Variants in SPATA6 observed in about 807,000 individuals in gnomAD.
SPATA6 encodes spermatogenesis-associated protein 6.
In SPATA6, 56 loss-of-function variants were observed where a neutral mutation model predicts 65.3. That is an observed-to-expected ratio of 0.86 (90% confidence interval 0.69 to 1.07). SPATA6 has a LOEUF of 1.07. SPATA6 is among the 50% of genes least tolerant of loss of function. The probability of loss-of-function intolerance (pLI) is 0.00; values close to 1 mark genes in which losing one functional copy is unlikely to be tolerated. For missense variants in SPATA6, 590 were observed against 594.8 expected (o/e 0.99, Z 0.08); for synonymous variants, 199 against 213.2 (o/e 0.93, Z 0.58).
At chr1:48,312,775 T>A (rs1305678726) in intron 11 of SPATA6, among the ~76,000 whole-genome samples, 2 of 152,066 alleles carry the variant, frequency 1.3e-5, no homozygotes, top group Non-Finnish European at 2.9e-5. Flanking sequence ...TTAGAACCCA[T>A]GGCAAAGAAG....
intron 1 of SPATA6, among the ~76,000 whole-genome samples, chr1:48,459,933 G>C (rs1027074402): frequency 6.6e-6 from 1 of 152,080 alleles, no homozygotes; most frequent in African/African-American, 2.4e-5. Context: ...CTGAATAAAA[G>C]TGAAAACACA....
chr1:48,356,510 CTTTTTT>C (rs910154922), intron 10 of SPATA6, among the ~76,000 whole-genome samples: 7 of 122,726 alleles, frequency 5.7e-5, no homozygotes, highest in Middle Eastern at 4.6e-3. Flanking sequence ...TTTGTCCTTT[CTTTTTT>C]TTTTTTTTTT....
chr1:48,311,242 A>C (rs1645199605), intron 11 of SPATA6, among the ~76,000 whole-genome samples: 1 of 152,134 alleles, frequency 6.6e-6, no homozygotes, highest in South Asian at 2.1e-4. Context: ...AAAAATAGAA[A>C]ACTGGATAAA....
At chr1:48,313,771 C>T (rs907792281) in intron 11 of SPATA6, among the ~76,000 whole-genome samples, 2 of 152,066 alleles carry the variant, frequency 1.3e-5, no homozygotes, top group African/African-American at 4.8e-5. Flanking sequence ...AGAGTCAAGA[C>T]CCATCAGTGT....
At position 48,399,491 on chromosome 1, in the gene SPATA6, T is replaced by C. The variant is rs759763600; in HGVS notation, c.640A>G (p.Lys214Glu). Residue 214 changes from lysine (K) to glutamate (E), a missense_variant, in exon 7 of 13, where the codon AAA (lysine) becomes GAA (glutamate). Physicochemically the swap from Lys to Glu is moderately conservative, Grantham distance 56. Transcript: ENST00000371847. ...GTGTAGGGAGATGGAGAGTGTGATTTTGAAGAAATTGTAGGCTGTTCGTAG... is the reference window on the plus strand; with the variant it reads ...GTGTAGGGAGATGGAGAGTGTGATTCTGAAGAAATTGTAGGCTGTTCGTAG... ...KNYEQPTISS[K>E]SHSPSPYTKR... 4 of 1,613,242 alleles carry C rather than the reference T, an allele frequency of 2.5e-6. No individual in the cohort carries two copies. The highest frequency in any genetic ancestry group is 1.1e-5 in the South Asian group (1 of 91,058).
At chr1:48,320,686 T>G (rs1295440998) in intron 11 of SPATA6, among the ~76,000 whole-genome samples, 1 of 152,182 alleles carries the variant, frequency 6.6e-6, no homozygotes, top group Admixed American at 6.5e-5. Context: ...ATAAAACTTA[T>G]TGGTAATAGT....
chr1:48,384,544 T>C (rs986408205), intron 9 of SPATA6, among the ~76,000 whole-genome samples: 1 of 151,928 alleles, frequency 6.6e-6, no homozygotes, highest in Non-Finnish European at 1.5e-5. Context: ...GGACTACAAG[T>C]GATAGAGCAA....
rs1272035229 is a variant in SPATA6 at position 48,388,929 on chromosome 1, A to T, written c.869-3580T>A. Among the ~76,000 whole-genome samples, 6 of 152,004 alleles carry T rather than the reference A, an allele frequency of 3.9e-5. No individual in the cohort carries two copies. In the East Asian group the frequency reaches 1.2e-3, roughly 29 times the overall value. On this transcript the variant is annotated intron_variant, in intron 8 of 12. Coordinates refer to ENST00000371847, the MANE Select transcript of SPATA6 (RefSeq NM_019073.4). ...AGACAGAGTTTCGCTCTTCTTGCCC[A>T]GGCTGGAGTACAATGGTGTGATCTT...
At chr1:48,315,421 C>G (rs1479103983) in intron 11 of SPATA6, among the ~76,000 whole-genome samples, 1 of 152,100 alleles carries the variant, frequency 6.6e-6, no homozygotes, top group Non-Finnish European at 1.5e-5. Context: ...AACATATAAA[C>G]AGAACCAAAG....
intron 3 of SPATA6, among the ~76,000 whole-genome samples, chr1:48,451,066 A>AG (rs1336701078): frequency 6.6e-6 from 1 of 152,200 alleles, no homozygotes; most frequent in African/African-American, 2.4e-5. Flanking sequence ...CTTGTTATGC[A>AG]GAGCCTTGAA....
intron 10 of SPATA6, among the ~76,000 whole-genome samples, chr1:48,359,011 A>G (rs1646734834): frequency 1.3e-5 from 2 of 152,190 alleles, no homozygotes; most frequent in South Asian, 4.1e-4. Context: ...ACTATTAGTG[A>G]CAGAGGCAAG....
chr1:48,352,016 TGATA>T (rs1037640133), intron 11 of SPATA6, among the ~76,000 whole-genome samples: 10 of 152,086 alleles, frequency 6.6e-5, no homozygotes, highest in Admixed American at 6.6e-5. Flanking sequence ...TTCATGCTGC[TGATA>T]AAGACATACC....
At chr1:48,400,718 C>A in intron 6 of SPATA6, 1 of 1,173,188 alleles carries the variant, frequency 8.5e-7, no homozygotes, top group Non-Finnish European at 1.1e-6. Context: ...ATTAATTTTC[C>A]TAATTGGAAA....
chr1:48,291,564 G>A (rs576235798), downstream of SPATA6, among the ~76,000 whole-genome samples: 2 of 152,266 alleles, frequency 1.3e-5, no homozygotes, highest in African/African-American at 2.4e-5. Flanking sequence ...AGACGAAAAG[G>A]CTGGTCTCAC....
intron 5 of SPATA6, among the ~76,000 whole-genome samples, chr1:48,410,072 A>T (rs1290847665): frequency 6.6e-6 from 1 of 152,166 alleles, no homozygotes; most frequent in African/African-American, 2.4e-5. Context: ...TCAGGCTGCA[A>T]ATTTTCCAAA....
chr1:48,465,155 T>C (rs1471207628), intron 1 of SPATA6, among the ~76,000 whole-genome samples: 2 of 152,120 alleles, frequency 1.3e-5, no homozygotes, highest in Non-Finnish European at 2.9e-5. Context: ...AATACACTTT[T>C]AAAGGACAAA....
rs145491076 is a variant in SPATA6 at position 48,333,252 on chromosome 1, C to T, written c.1194+22418G>A. Among the ~76,000 whole-genome samples, 27 of 152,300 alleles carry T rather than the reference C, an allele frequency of 1.8e-4. No homozygotes were observed. In the East Asian group the frequency reaches 5.0e-3, roughly 28 times the overall value. Reference sequence around the variant, plus strand: ...TGAGTCTTCCAGCCTTCATCTTTCTCCCATGCTGCATGCTTCCTGTCCTCA... The same window carrying T: ...TGAGTCTTCCAGCCTTCATCTTTCTTCCATGCTGCATGCTTCCTGTCCTCA... On this transcript the variant is annotated intron_variant, in intron 11 of 12. Coordinates refer to ENST00000371847, the MANE Select transcript of SPATA6 (RefSeq NM_019073.4).
rs561459965 is a variant in SPATA6 at position 48,301,873 on chromosome 1, C to T, written c.1287-2980G>A. On this transcript the variant is annotated intron_variant, in intron 12 of 12. Coordinates refer to ENST00000371847, the MANE Select transcript of SPATA6 (RefSeq NM_019073.4). ...CCTATATCTCACCATATACAAACAT[C>T]GAACTAAAATGGATTAAATACTTAA... 2.2e-4 allele frequency among the ~76,000 whole-genome samples: 33 copies of T among 152,140 alleles called. No homozygotes were observed. The East Asian group carries it at 5.8e-3, about 27-fold the overall frequency.
the SPATA6 span, among the ~76,000 whole-genome samples, chr1:48,269,217 C>G: frequency 3.9e-4 from 59 of 152,146 alleles, no homozygotes; most frequent in Non-Finnish European, 7.1e-4. Flanking sequence ...AAATCCTCAA[C>G]ATCTTCCCAA....
Sources: allele counts gnomAD v4.1 joint callset (sites outside exome capture counted in the v4.1 genomes callset), GRCh38; gene constraint gnomAD v4.1.1; transcripts MANE v1.5; gene names NCBI Gene and HGNC (gene_info 2026-07-23, HGNC 2026-07-21).